GPT2: variants seen among roughly 807,000 people sequenced by gnomAD.
GPT2 encodes alanine aminotransferase 2.
GPT2 carries 30 observed loss-of-function variants against 56.9 expected under a neutral mutation model. That is an observed-to-expected ratio of 0.53 (90% CI 0.39 to 0.72). The LOEUF (loss-of-function observed/expected upper bound fraction) is 0.72. Ranked by LOEUF, GPT2 falls within the 30% of genes least tolerant of loss-of-function variation. The pLI is 0.00. For synonymous variants in GPT2, 271 were observed against 283.1 expected (o/e 0.96, Z 0.43); for missense variants, 542 against 703.4 (o/e 0.77, Z 2.60).
chr16:46,903,508 T>C (rs1960860720), intron 4 of GPT2, among the ~76,000 whole-genome samples: 1 of 151,988 alleles, frequency 6.6e-6, no homozygotes, highest in Non-Finnish European at 1.5e-5. Flanking sequence ...AGGGTCTCAC[T>C]GTTGTCCAGG....
At chr16:46,917,741 GACAC>G (rs578121413) in intron 7 of GPT2, among the ~76,000 whole-genome samples, 244 of 151,570 alleles carry the variant, frequency 1.6e-3, no homozygotes, top group Non-Finnish European at 3.1e-3. Context: ...TGTACATACA[GACAC>G]ACACAGACAC....
intron 2 of GPT2, among the ~76,000 whole-genome samples, chr16:46,894,513 C>A (rs988682462): frequency 9.9e-5 from 15 of 152,210 alleles, no homozygotes; most frequent in African/African-American, 3.6e-4. Context: ...TAACTGCCCA[C>A]ACCCTCAACC....
At position 46,924,477 on chromosome 16, in the gene GPT2, C is replaced by T. The variant is rs138878259; in HGVS notation, c.1301C>T (p.Pro434Leu). Residue 434 changes from proline to leucine, a missense_variant, in exon 10 of 12, where the codon CCC (proline) becomes CTC (leucine). Pro to Leu is a moderately conservative substitution (Grantham distance 98). Coordinates refer to ENST00000340124, the MANE Select transcript of GPT2 (RefSeq NM_133443.4). ...CAAGTCCCAGGAATTCACTGCAACCCCTTGCAGGGGGCCATGTACGCCTTC... is the reference window on the plus strand; with the variant it reads ...CAAGTCCCAGGAATTCACTGCAACCTCTTGCAGGGGGCCATGTACGCCTTC... ...FNQVPGIHCN[P>L]LQGAMYAFPR... is the part of the protein sequence containing the mutation. The T allele has an allele frequency of 8.2e-5, 133 of 1,614,182 alleles. No individual in the cohort carries two copies. In the African/African-American group the frequency reaches 1.0e-3, roughly 12 times the overall value.
intron 6 of GPT2, among the ~76,000 whole-genome samples, chr16:46,910,700 A>G (rs1281046491): frequency 6.6e-6 from 1 of 152,248 alleles, no homozygotes; most frequent in South Asian, 2.1e-4. Flanking sequence ...ACTCCTGGAG[A>G]TCTTCCTGTC....
chr16:46,922,460 CGA>C, intron 9 of GPT2, 44 bp downstream of exon 9: 1 of 1,538,754 alleles, frequency 6.5e-7, no homozygotes, highest in South Asian at 1.2e-5. Context: ...GCCGGGGTCA[CGA>C]GAGTTCCTGC....
intron 2 of GPT2, 106 bp downstream of exon 2, chr16:46,885,064 T>A: frequency 7.4e-7 from 1 of 1,355,022 alleles, no homozygotes; most frequent in Non-Finnish European, 9.5e-7. Flanking sequence ...CATGGCCAGC[T>A]CCTCAGTCAG....
chr16:46,924,076 G>A (rs1404050651), intron 9 of GPT2: 10 of 398,874 alleles, frequency 2.5e-5, no homozygotes, highest in Middle Eastern at 8.1e-4. Context: ...AATTTGTGCC[G>A]GGAGATGTGT....
intron 9 of GPT2, chr16:46,924,088 C>T: frequency 2.4e-6 from 1 of 416,160 alleles, no homozygotes. Flanking sequence ...GAGATGTGTT[C>T]CACCCACCTC....
At chr16:46,923,298 C>T (rs1472535212) in intron 9 of GPT2, among the ~76,000 whole-genome samples, 3 of 152,154 alleles carry the variant, frequency 2.0e-5, no homozygotes, top group South Asian at 2.1e-4. Context: ...CTCATCTCTA[C>T]TAAAAATACA....
intron 2 of GPT2, among the ~76,000 whole-genome samples, chr16:46,890,641 T>A (rs2143342003): frequency 6.6e-6 from 1 of 152,322 alleles, no homozygotes; most frequent in Middle Eastern, 3.4e-3. Flanking sequence ...GAGACAAATA[T>A]AATTGACAAA....
chr16:46,926,509 G>A (rs924081849), intron 10 of GPT2, among the ~76,000 whole-genome samples: 3 of 152,214 alleles, frequency 2.0e-5, no homozygotes, highest in Admixed American at 1.3e-4. Context: ...GAGGCTCCCC[G>A]GGTGGTCATG....
At chr16:46,920,745 G>A (rs771802348) in intron 8 of GPT2, among the ~76,000 whole-genome samples, 25 of 152,122 alleles carry the variant, frequency 1.6e-4, no homozygotes, top group Non-Finnish European at 2.9e-4. Context: ...GGTCTTTCTG[G>A]TCTACCCTGT....
In GPT2 at chr16:46,906,954, G is replaced by A. The variant is rs768866347; in HGVS notation, c.555G>A (p.Thr185=). The A allele has an allele frequency of 9.3e-6, 15 of 1,614,086 alleles. No individual in the cohort carries two copies. In the Admixed American group the frequency reaches 1.3e-4, roughly 14 times the overall value. ...PADPDNIYLT[T]GASDGISTIL... ...ACCCCGACAACATCTACCTGACCAC[G>A]GGAGCTAGTGACGGCATTTCTGTAC... Residue 185 remains threonine, a synonymous_variant, in exon 5 of 12, where the codon ACG becomes ACA. Coordinates refer to ENST00000340124, the MANE Select transcript of GPT2 (RefSeq NM_133443.4).
Position 46,924,396 on chromosome 16 carries a change from A to G in GPT2, c.1220A>G (p.Glu407Gly). The change falls in exon 10 of 12, where the codon GAG becomes GGG. Residue 407 changes from glutamate to glycine, a missense_variant. Physicochemically the swap from Glu to Gly is moderately conservative, Grantham distance 98. Coordinates refer to ENST00000340124, the MANE Select transcript of GPT2 (RefSeq NM_133443.4). The part of the protein sequence containing the change: ...ESFEQFSREK[E>G]SVLGNLAKKA... ...GTTTCCATCTCTCATCAGGAGAAGG[A>G]GTCGGTCCTGGGTAATCTGGCCAAA... is the stretch of plus-strand genomic sequence containing the variant. 6.2e-7 allele frequency: 1 copy of G among 1,614,228 alleles called. No homozygotes were observed. The highest frequency in any genetic ancestry group is 8.5e-7 in the Non-Finnish European group (1 of 1,180,030).
chr16:46,899,021 ATATATATATATATATT>A lies in GPT2; in HGVS notation c.333+1286_333+1301del, dbSNP rs1211288488. 4.2e-3 allele frequency among the ~76,000 whole-genome samples: 91 copies of A among 21,646 alleles called. 2 individuals carry two copies. The highest frequency in any genetic ancestry group is 0.02 in the African/African-American group (80 of 4,044). The allele number at this position is 21,646 out of a possible 152,430, so 14.2% of individuals were successfully genotyped here. ...CACATATATATATATATATATATAT[ATATATATATATATATT>A]TTTTTTTTTTTAGAGACAGAGTCTT... is the stretch of plus-strand genomic sequence containing the variant. On this transcript the variant is annotated intron_variant, in intron 3 of 11. Coordinates refer to ENST00000340124, the MANE Select transcript of GPT2 (RefSeq NM_133443.4).
In GPT2 at chr16:46,922,384, G is replaced by A; in HGVS notation, c.1180G>A (p.Ala394Thr). The change falls in exon 9 of 12, where the codon GCA (alanine) becomes ACA (threonine). Residue 394 changes from alanine (A) to threonine (T), a missense_variant. Transcript: ENST00000340124. ...AMDIVVNPPV[A>T]GEESFEQFSR... ...GGACATTGTCGTGAACCCCCCGGTG[G>A]CAGGAGAGGAGTCCTTTGAGCAATT... 6.2e-7 allele frequency: 1 copy of A among 1,613,436 alleles called. No individual in the cohort carries two copies. Among genetic ancestry groups the A allele is most frequent in the South Asian group, 1.1e-5 (1 of 91,014 alleles).
chr16:46,902,970 C>T (rs117669091), intron 4 of GPT2, among the ~76,000 whole-genome samples: 3,999 of 151,804 alleles, frequency 0.026, 128 homozygotes, highest in East Asian at 0.11. Context: ...TTTCTTGGGC[C>T]GGGCGTGGTG....
At chr16:46,906,325 C>A (rs1960924956) in intron 4 of GPT2, among the ~76,000 whole-genome samples, 1 of 152,180 alleles carries the variant, frequency 6.6e-6, no homozygotes, top group East Asian at 1.9e-4. Context: ...TCCTGCCTGG[C>A]CTCCCAAAAT....
chr16:46,929,097 G>C lies in GPT2; in HGVS notation c.*100G>C. ...CCGTGACTCTGCCTCGGGCCTCGCA[G>C]AGGCCGCTGGTCACTTCGTCATCAT... On this transcript the variant is annotated 3_prime_UTR_variant, in exon 12 of 12. Transcript: ENST00000340124. 1.2e-6 allele frequency: 1 copy of C among 857,998 alleles called. No homozygotes were observed. The highest frequency in any genetic ancestry group is 2.0e-6 in the Non-Finnish European group (1 of 510,142). The allele number at this position is 857,998 out of a possible 1,614,324, so 53.1% of individuals were successfully genotyped here.
Sources: gnomAD v4.1 joint callset for allele counts (sites outside exome capture counted in the v4.1 genomes callset) on GRCh38, gnomAD v4.1.1 for gene constraint, MANE v1.5 for transcripts, NCBI Gene and HGNC (gene_info 2026-07-23, HGNC 2026-07-21) for gene names.